Variants in OXNAD1 observed in about 807,000 individuals in gnomAD.
The protein encoded by OXNAD1 is oxidoreductase NAD binding domain containing 1, also known as oxidoreductase NAD-binding domain-containing protein 1.
OXNAD1 carries 34 observed loss-of-function variants against 32.9 expected under a neutral mutation model. That is an observed-to-expected ratio of 1.03 (90% CI 0.79 to 1.38). OXNAD1 has a LOEUF of 1.38. OXNAD1 is among the 40% of genes most tolerant of loss of function. The pLI, the probability that OXNAD1 is intolerant of heterozygous loss-of-function variation, is 0.00. For synonymous variants in OXNAD1, 134 were observed against 135.2 expected, an observed-to-expected ratio of 0.99 and a Z score of 0.06; for missense variants, 407 against 379.4, an observed-to-expected ratio of 1.07 and a Z score of -0.60.
Position 16,271,980 on chromosome 3 carries a change from G to A in OXNAD1, c.183+258G>A, listed in dbSNP as rs953464295. Among the ~76,000 whole-genome samples, 3 of 152,196 alleles carry A rather than the reference G, an allele frequency of 2.0e-5. No homozygotes were observed. The highest frequency in any genetic ancestry group is 1.3e-4 in the Admixed American group (2 of 15,282). The stretch of plus-strand genomic sequence containing the variant: ...TGAAGCAAGTAGAGCAGCAACTGAG[G>A]GAGCCATCCTCACAGGTATGATGTT... On this transcript the variant is annotated intron_variant, in intron 4 of 8. Coordinates refer to ENST00000285083, the MANE Select transcript of OXNAD1 (RefSeq NM_138381.5). The surrounding 1 kb of genome is among the most constrained non-coding windows in gnomAD (Gnocchi z 4.6).
At chr3:16,319,469 T>C (rs1341555875) in intron 9 of OXNAD1, among the ~76,000 whole-genome samples, 1 of 152,226 alleles carries the variant, frequency 6.6e-6, no homozygotes, top group Non-Finnish European at 1.5e-5. Flanking sequence ...AGGGCTGCGG[T>C]GCACACCTCC....
intron 4 of OXNAD1, chr3:16,272,317 C>T: frequency 3.7e-6 from 1 of 267,496 alleles, no homozygotes; most frequent in South Asian, 3.3e-5. Flanking sequence ...TCACCCTTTA[C>T]CTCAGTGAGT....
Position 16,265,352 on chromosome 3 carries a change from C to T in OXNAD1, c.-312C>T, listed in dbSNP as rs2276784. On this transcript the variant is annotated 5_prime_UTR_variant, in exon 1 of 9. Transcript: ENST00000285083. The surrounding 1 kb of genome is among the most constrained non-coding windows in gnomAD (Gnocchi z 4.8). ...GCAGCAGGTGCTAGGTAGCAGCCTC[C>T]CGGCCCTCGGGAAAGGCGGGGTGGG... 48 of 156,112 alleles carry T rather than the reference C, an allele frequency of 3.1e-4. No individual in the cohort carries two copies. In the East Asian group the frequency reaches 8.4e-3, roughly 27 times the overall value. 9.7% of individuals were successfully genotyped at this position (156,112 alleles called of 1,614,324 possible).
intron 4 of OXNAD1, among the ~76,000 whole-genome samples, chr3:16,274,621 A>G (rs921863998): frequency 5.3e-5 from 8 of 152,238 alleles, no homozygotes; most frequent in East Asian, 1.9e-4. Flanking sequence ...GGAAAGAACT[A>G]TAAAGAAACA....
chr3:16,286,222 G>T, intron 4 of OXNAD1, 120 bp from the exon 5 acceptor site: 1 of 730,142 alleles, frequency 1.4e-6, no homozygotes, highest in Non-Finnish European at 2.3e-6. Flanking sequence ...TACCTTGTTT[G>T]GCAATTTTCA....
intron 1 of OXNAD1, among the ~76,000 whole-genome samples, chr3:16,266,244 T>C (rs2064489216): frequency 6.6e-6 from 1 of 152,236 alleles, no homozygotes; most frequent in Non-Finnish European, 1.5e-5. Flanking sequence ...ACGGAAATTA[T>C]GAGCTTTACT....
At chr3:16,269,069 A>G in intron 1 of OXNAD1, 57 bp from the exon 2 acceptor site, 1 of 1,374,978 alleles carries the variant, frequency 7.3e-7, no homozygotes, top group Non-Finnish European at 9.4e-7. Context: ...CTAAGAGGTA[A>G]TAGTGCTTTT....
rs201625352 is a variant in OXNAD1 at position 16,345,836 on chromosome 3, A to G, written c.*31-3340A>G. Among the ~76,000 whole-genome samples, 8,890 of 62,994 alleles carry G rather than the reference A, an allele frequency of 0.14. 475 individuals are homozygous for G. Among genetic ancestry groups the G allele is most frequent in the African/African-American group, 0.25 (5,757 of 23,100 alleles). 41.3% of individuals were successfully genotyped at this position (62,994 alleles called of 152,430 possible). ...TGTGTGTGCGCGCGCGCGTGCGCGC[A>G]CGCGCACATGTGCATGTGTATGTGT... On this transcript the variant is annotated intron_variant, in intron 9 of 9. Transcript: ENST00000606098. This position sits in a 1 kb window ranked among gnomAD's most constrained non-coding sequence, Gnocchi z 5.2.
Position 16,301,160 on chromosome 3 carries a change from G to A in OXNAD1, c.433-466G>A, listed in dbSNP as rs2067154863. 6.6e-6 allele frequency among the ~76,000 whole-genome samples: 1 copy of A among 152,196 alleles called. No individual in the cohort carries two copies. The highest frequency in any genetic ancestry group is 6.5e-5 in the Admixed American group (1 of 15,280). ...GCTGTGCCTTACTGAGGATCAAGAA[G>A]GAGCACCAGTACTTACACTTTTCAG... On this transcript the variant is annotated intron_variant, in intron 6 of 8. Coordinates refer to ENST00000285083, the MANE Select transcript of OXNAD1 (RefSeq NM_138381.5). The surrounding 1 kb of genome is among the most constrained non-coding windows in gnomAD (Gnocchi z 4.1).
intron 1 of OXNAD1, 47 bp from the exon 2 acceptor site, chr3:16,269,079 T>C (rs1440783283): frequency 3.6e-6 from 5 of 1,394,408 alleles, no homozygotes; most frequent in Non-Finnish European, 4.6e-6. Context: ...ATAGTGCTTT[T>C]GATCAGTTCC....
chr3:16,290,295 T>G lies in OXNAD1; in HGVS notation c.290+3847T>G, dbSNP rs1381833202. Among the ~76,000 whole-genome samples, 1 of 152,252 alleles carries G rather than the reference T, an allele frequency of 6.6e-6. No homozygotes were observed. Among genetic ancestry groups the G allele is most frequent in the African/African-American group, 2.4e-5 (1 of 41,468 alleles). On this transcript the variant is annotated intron_variant, in intron 5 of 8. Coordinates refer to ENST00000285083, the MANE Select transcript of OXNAD1 (RefSeq NM_138381.5). This position sits in a 1 kb window ranked among gnomAD's most constrained non-coding sequence, Gnocchi z 4.2. ...GTGTGTTTAAGGTATAATTCTTTCT[T>G]GGACAGATGTTTTATGAAATATGTA...
chr3:16,328,356 G>A (rs1306233737), intron 9 of OXNAD1, among the ~76,000 whole-genome samples: 1 of 152,262 alleles, frequency 6.6e-6, no homozygotes, highest in African/African-American at 2.4e-5. Context: ...GCCACGTGTG[G>A]TGAGTGGCTA....
Position 16,327,666 on chromosome 3 carries a change from CAGGAGA to C in OXNAD1, c.*31-9444_*31-9439del, listed in dbSNP as rs1200626352. Among the ~76,000 whole-genome samples the C allele has an allele frequency of 6.6e-6, 1 of 151,968 alleles. No individual in the cohort carries two copies. Among genetic ancestry groups the C allele is most frequent in the African/African-American group, 2.4e-5 (1 of 41,370 alleles). ...GTCCCAGCTACTCGGGAGGCTGAGG[CAGGAGA>C]ATGGCGTGAACCCGGGAGGTGGAGC... On this transcript the variant is annotated intron_variant, in intron 9 of 9. Coordinates refer to the OXNAD1 transcript ENST00000435829. The surrounding 1 kb of genome is among the most constrained non-coding windows in gnomAD (Gnocchi z 4.2).
Position 16,284,130 on chromosome 3 carries a change from A to G in OXNAD1, c.184-2212A>G, listed in dbSNP as rs755866006. Among the ~76,000 whole-genome samples, 7 of 152,234 alleles carry G rather than the reference A, an allele frequency of 4.6e-5. No individual in the cohort carries two copies. The highest frequency in any genetic ancestry group is 7.3e-5 in the Non-Finnish European group (5 of 68,038). Reference sequence around the variant, plus strand: ...TACGTTTGCACTGGTAAAAACATGTACAAGCCCACCACACTGCAGTTTCTT... The same window carrying G: ...TACGTTTGCACTGGTAAAAACATGTGCAAGCCCACCACACTGCAGTTTCTT... On this transcript the variant is annotated intron_variant, in intron 4 of 8. Coordinates refer to ENST00000285083, the MANE Select transcript of OXNAD1 (RefSeq NM_138381.5). This position sits in a 1 kb window ranked among gnomAD's most constrained non-coding sequence, Gnocchi z 4.1.
At chr3:16,347,620 G>T (rs2071818662) in intron 9 of OXNAD1, 1 of 152,182 alleles carries the variant, frequency 6.6e-6, no homozygotes, top group Admixed American at 6.5e-5. Flanking sequence ...CCACCTCTGT[G>T]TGCACACTCA....
intron 9 of OXNAD1, among the ~76,000 whole-genome samples, chr3:16,343,945 G>A (rs1397673871): frequency 6.6e-6 from 1 of 152,140 alleles, no homozygotes; most frequent in Non-Finnish European, 1.5e-5. Context: ...TGGAAATGAC[G>A]AGCAACTGCC....
At chr3:16,308,379 A>G (rs1205122346), downstream of OXNAD1, among the ~76,000 whole-genome samples, 1 of 152,108 alleles carries the variant, frequency 6.6e-6, no homozygotes, top group Non-Finnish European at 1.5e-5. This position sits in a 1 kb window ranked among gnomAD's most constrained non-coding sequence, Gnocchi z 4.4. Context: ...GGATTGTTAT[A>G]TGGGACTCAC....
chr3:16,326,958 A>G, intron 9 of OXNAD1: 1 of 1,025,950 alleles, frequency 9.7e-7, no homozygotes. Context: ...TCAGTCTGCC[A>G]ATCCGCAAAA....
rs1206395452 is a variant in OXNAD1 at position 16,305,697 on chromosome 3, A to G, written c.*2135A>G. The G allele has an allele frequency of 3.9e-5, 6 of 152,158 alleles. No homozygotes were observed. The highest frequency in any genetic ancestry group is 8.8e-5 in the Non-Finnish European group (6 of 68,030). 9.4% of individuals were successfully genotyped at this position (152,158 alleles called of 1,614,324 possible). A position where few individuals can be genotyped will look rare whatever the true frequency, so the allele number is the denominator to read the frequency against. On this transcript the variant is annotated 3_prime_UTR_variant, in exon 9 of 9. Transcript: ENST00000285083. This position sits in a 1 kb window ranked among gnomAD's most constrained non-coding sequence, Gnocchi z 4.5. ...GATTGCCTGGGTTCAGATCTCACCT[A>G]TACTACTTACTAGGTAGATGACCTT... is the stretch of plus-strand genomic sequence containing the variant.
Sources: allele counts gnomAD v4.1 joint callset (sites outside exome capture counted in the v4.1 genomes callset), GRCh38; gene constraint gnomAD v4.1.1; non-coding constraint Gnocchi (gnomAD v3.1); transcripts MANE v1.5; gene names NCBI Gene and HGNC (gene_info 2026-07-23, HGNC 2026-07-21).